ECT2: variants seen among roughly 807,000 people sequenced by gnomAD.
ECT2 encodes the protein protein ECT2.
A neutral mutation model predicts 116.9 loss-of-function variants in ECT2; 61 were observed. The ratio of observed to expected loss-of-function variants is 0.52; its 90% CI spans 0.42 to 0.65. ECT2 has a LOEUF of 0.65. Among genes scored for constraint, ECT2 ranks in the 30% least tolerant of loss-of-function variants. The pLI is 0.00. For synonymous variants in ECT2, 358 were observed against 346.4 expected (o/e 1.03, Z -0.37); for missense variants, 937 against 1,078.7 (o/e 0.87, Z 1.84).
Position 172,819,167 on chromosome 3 carries a change from T to G in ECT2, c.2656-981T>G, listed in dbSNP as rs200391303. 7.2e-5 allele frequency among the ~76,000 whole-genome samples: 11 copies of G among 152,238 alleles called. No homozygotes were observed. In the East Asian group the frequency reaches 1.7e-3, roughly 24 times the overall value. ...TTCCATGTGAGGAAAGTGTAAACTT[T>G]TATATTATACATTCATATCATCATT... On this transcript the variant is annotated intron_variant, in intron 24 of 24. Coordinates refer to ENST00000392692, the MANE Select transcript of ECT2 (RefSeq NM_001258315.2).
chr3:172,758,948 A>G lies in ECT2; in HGVS notation c.487-32A>G, dbSNP rs182882023. 3.5e-5 allele frequency: 53 copies of G among 1,522,656 alleles called. No individual in the cohort carries two copies. The East Asian group carries it at 1.2e-3, about 33-fold the overall frequency. The allele number at this position is 1,522,656 out of a possible 1,614,324, so 94.3% of individuals were successfully genotyped here. On this transcript the variant is annotated intron_variant, in intron 5 of 24. Coordinates refer to ENST00000392692, the MANE Select transcript of ECT2 (RefSeq NM_001258315.2). ...TGTGTTGTATTTTCTACTAAAGAGAAAGCTCACATTTAAAATTGTTGTATC... is the reference window on the plus strand; with the variant it reads ...TGTGTTGTATTTTCTACTAAAGAGAGAGCTCACATTTAAAATTGTTGTATC...
chr3:172,806,041 G>A, intron 21 of ECT2, 172 bp downstream of exon 21: 1 of 629,386 alleles, frequency 1.6e-6, no homozygotes, highest in African/African-American at 1.8e-5. Flanking sequence ...TCTAGGAACA[G>A]AACTGACTTT....
chr3:172,783,931 T>C, intron 16 of ECT2, 22 bp downstream of exon 16: 1 of 1,463,034 alleles, frequency 6.8e-7, no homozygotes, highest in Non-Finnish European at 9.3e-7. Context: ...TTCTTTCAAA[T>C]AAAAATTTGA....
intron 5 of ECT2, 59 bp from the exon 6 acceptor site, chr3:172,758,921 G>A (rs1318478332): frequency 7.4e-7 from 1 of 1,350,484 alleles, no homozygotes; most frequent in Non-Finnish European, 1.0e-6. Flanking sequence ...GCTTGAGAAA[G>A]TTGTGTTGTA....
At chr3:172,829,063 G>A in the ECT2 span, 1 of 718,704 alleles carries the variant, frequency 1.4e-6, no homozygotes, top group East Asian at 2.7e-5. Flanking sequence ...AGGCTGTTTA[G>A]ATGAACTCTC....
chr3:172,782,151 G>A lies in ECT2; in HGVS notation c.1549-12G>A, dbSNP rs375469102. The A allele has an allele frequency of 2.4e-5, 36 of 1,512,614 alleles. No homozygotes were observed. Among genetic ancestry groups the A allele is most frequent in the Non-Finnish European group, 3.0e-5 (33 of 1,115,306 alleles). The allele number at this position is 1,512,614 out of a possible 1,614,324, so 93.7% of individuals were successfully genotyped here. A position where few individuals can be genotyped will look rare whatever the true frequency, so the allele number is the denominator to read the frequency against. On this transcript the variant is annotated splice_polypyrimidine_tract_variant and intron_variant, in intron 14 of 24. Coordinates refer to ENST00000392692, the MANE Select transcript of ECT2 (RefSeq NM_001258315.2). ...GGTTTAATTTTAAATATTTCAATTC[G>A]TGCTATTTCAGGATGATCTTGAAGA...
In ECT2 at chr3:172,757,825, C is replaced by A. The variant is rs977260322; in HGVS notation, c.486+660C>A. Among the ~76,000 whole-genome samples, 7 of 152,170 alleles carry A rather than the reference C, an allele frequency of 4.6e-5. No homozygotes were observed. In the East Asian group the frequency reaches 1.3e-3, roughly 29 times the overall value. ...TATTTTTCTCAACACAGAACAGATACCACGGTTCCATTTTTATCAGTTACT... is the reference window on the plus strand; with the variant it reads ...TATTTTTCTCAACACAGAACAGATAACACGGTTCCATTTTTATCAGTTACT... On this transcript the variant is annotated intron_variant, in intron 5 of 24. Transcript: ENST00000392692.
chr3:172,788,548 AC>A (rs1256447701), intron 18 of ECT2, among the ~76,000 whole-genome samples: 1 of 152,124 alleles, frequency 6.6e-6, no homozygotes, highest in Non-Finnish European at 1.5e-5. Flanking sequence ...TCCCAAGGCA[AC>A]CGTCTATCAC....
chr3:172,811,803 G>A (rs939285320), intron 22 of ECT2, among the ~76,000 whole-genome samples: 1 of 151,982 alleles, frequency 6.6e-6, no homozygotes, highest in Non-Finnish European at 1.5e-5. Context: ...GATTTTTACT[G>A]TCTATTAAAT....
chr3:172,786,174 T>C (rs1386412022), intron 17 of ECT2, among the ~76,000 whole-genome samples: 1 of 152,186 alleles, frequency 6.6e-6, no homozygotes, highest in Non-Finnish European at 1.5e-5. Flanking sequence ...TCTGAGCTTA[T>C]TGAGGATCAT....
chr3:172,812,977 A>C, intron 22 of ECT2, among the ~76,000 whole-genome samples: 1 of 152,056 alleles, frequency 6.6e-6, no homozygotes. Flanking sequence ...GTAGTGTAAA[A>C]CCTTGCAGAT....
Position 172,755,556 on chromosome 3 carries a change from T to C in ECT2, c.284T>C (p.Ile95Thr). 4 of 1,461,480 alleles carry C rather than the reference T, an allele frequency of 2.7e-6. No individual in the cohort carries two copies. The highest frequency in any genetic ancestry group is 3.7e-6 in the Non-Finnish European group (4 of 1,083,708). The allele number at this position is 1,461,480 out of a possible 1,614,324, so 90.5% of individuals were successfully genotyped here. Reference protein sequence around the residue: ...SCPGKSDEKLIKSVINMDIKV... With the variant: ...SCPGKSDEKLTKSVINMDIKV... ...CCTGGAAAATCGGATGAAAAATTAA[T>C]AAAAAGTGTTATTAATATGGTAGGT... Residue 95 changes from isoleucine (I) to threonine (T), a missense_variant, in exon 4 of 25, where the codon ATA becomes ACA. Ile to Thr is a moderately conservative substitution (Grantham distance 89, BLOSUM62 -1). Transcript: ENST00000392692.
At chr3:172,790,955 G>C (rs572889425) in intron 18 of ECT2, among the ~76,000 whole-genome samples, 3 of 152,186 alleles carry the variant, frequency 2.0e-5, no homozygotes, top group Non-Finnish European at 2.9e-5. Flanking sequence ...AGGAGTTTTA[G>C]ACCAGCCTGA....
At chr3:172,779,784 C>T (rs1722366857) in intron 14 of ECT2, among the ~76,000 whole-genome samples, 1 of 151,998 alleles carries the variant, frequency 6.6e-6, no homozygotes, top group East Asian at 1.9e-4. Context: ...TGCCAGTAGT[C>T]CCAGCTACTT....
At chr3:172,815,856 A>G in intron 23 of ECT2, 145 bp downstream of exon 23, 1 of 621,808 alleles carries the variant, frequency 1.6e-6, no homozygotes, top group Non-Finnish European at 2.8e-6. Flanking sequence ...CACAGAAACA[A>G]TAGTTTTACT....
intron 6 of ECT2, 147 bp from the exon 7 acceptor site, chr3:172,760,009 T>A: frequency 1.9e-6 from 1 of 523,294 alleles, no homozygotes; most frequent in Non-Finnish European, 3.3e-6. Context: ...ATACTTACTT[T>A]GACATAAAAT....
chr3:172,775,308 ATTG>A (rs1721448787), intron 14 of ECT2, among the ~76,000 whole-genome samples: 1 of 152,206 alleles, frequency 6.6e-6, no homozygotes, highest in African/African-American at 2.4e-5. Flanking sequence ...AATATATAAG[ATTG>A]TTTTTTATTT....
At chr3:172,807,675 T>C in intron 21 of ECT2, 95 bp from the exon 22 acceptor site, 1 of 1,363,198 alleles carries the variant, frequency 7.3e-7, no homozygotes. Flanking sequence ...GTTCATTTCA[T>C]TGGAATTTCA....
intron 7 of ECT2, 24 bp from the exon 8 acceptor site, chr3:172,761,586 T>A: frequency 6.5e-7 from 1 of 1,544,898 alleles, no homozygotes; most frequent in South Asian, 1.1e-5. Context: ...AGGAGAAAAT[T>A]CACTGTAATG....
Sources: gnomAD v4.1 joint callset for allele counts (sites outside exome capture counted in the v4.1 genomes callset) on GRCh38, gnomAD v4.1.1 for gene constraint, MANE v1.5 for transcripts, NCBI Gene and HGNC (gene_info 2026-07-23, HGNC 2026-07-21) for gene names.